The following INTS7 variants were observed in gnomAD, a reference collection of about 807,000 sequenced individuals.
The protein encoded by INTS7 is chromosome 1 open reading frame 73.
In INTS7, 46 loss-of-function variants were observed where a neutral mutation model predicts 109.2. That is an observed-to-expected ratio of 0.42 (90% CI 0.33 to 0.54). INTS7 has a LOEUF of 0.54. INTS7 is among the 20% of genes least tolerant of loss of function. The pLI is 0.07. For missense variants in INTS7, 929 were observed against 1,132.4 expected, an observed-to-expected ratio of 0.82 and a Z score of 2.58; for synonymous variants, 412 against 402.9, an observed-to-expected ratio of 1.02 and a Z score of -0.27.
chr1:211,953,136 T>C (rs531905557), intron 16 of INTS7, among the ~76,000 whole-genome samples: 20 of 152,252 alleles, frequency 1.3e-4, no homozygotes, highest in African/African-American at 4.1e-4. Flanking sequence ...GTCTTGAACA[T>C]ATCAGTAGGT....
Position 211,946,591 on chromosome 1 carries a change from AT to A in INTS7, c.2415+15del. On this transcript the variant is annotated intron_variant, in intron 18 of 19. Coordinates refer to ENST00000366994, the MANE Select transcript of INTS7 (RefSeq NM_015434.4). This position sits in a 1 kb window ranked among gnomAD's most constrained non-coding sequence, Gnocchi z 4.3. ...TTTTAAAACCTATATTAACCTTAGT[AT>A]TCTTCCTGTATTACCTTGATGCTGG... 6.9e-7 allele frequency: 1 copy of A among 1,459,432 alleles called. No individual in the cohort carries two copies. The highest frequency in any genetic ancestry group is 1.1e-5 in the South Asian group (1 of 87,494). The allele number at this position is 1,459,432 out of a possible 1,614,324, so 90.4% of individuals were successfully genotyped here.
At chr1:211,956,068 C>T (rs1431432250) in intron 16 of INTS7, among the ~76,000 whole-genome samples, 3 of 152,166 alleles carry the variant, frequency 2.0e-5, no homozygotes, top group Non-Finnish European at 4.4e-5. Flanking sequence ...TAGAGCCATA[C>T]AATACATACT....
In INTS7 at chr1:211,975,250, C is replaced by T; in HGVS notation, c.1731G>A (p.Gly577=). 6.2e-7 allele frequency: 1 copy of T among 1,613,674 alleles called. No individual in the cohort carries two copies. The highest frequency in any genetic ancestry group is 8.5e-7 in the Non-Finnish European group (1 of 1,179,588). Residue 577 remains glycine (G), a synonymous_variant, in exon 13 of 20, where the codon GGG becomes GGA. Transcript: ENST00000366994. Reference sequence around the variant, plus strand: ...CTGAACTATAATTTTCCTCTTGCAACCCAGTGAGACACTGTTCTGCATGTG... The same window carrying T: ...CTGAACTATAATTTTCCTCTTGCAATCCAGTGAGACACTGTTCTGCATGTG... ...EFSHAEQCLT[G]LQEENYSSAL...
At chr1:211,950,480 C>T (rs553024900) in intron 17 of INTS7, among the ~76,000 whole-genome samples, 201 of 152,050 alleles carry the variant, frequency 1.3e-3, no homozygotes, top group Middle Eastern at 3.4e-3. Flanking sequence ...CCATGTTGGG[C>T]ATGCTAGTCT....
intron 1 of INTS7, among the ~76,000 whole-genome samples, chr1:212,022,180 C>G (rs980914950): frequency 1.3e-5 from 2 of 152,266 alleles, no homozygotes; most frequent in South Asian, 2.1e-4. Context: ...GAACCACAGA[C>G]CTCAGTGTAA....
chr1:212,007,441 T>C lies in INTS7; in HGVS notation c.565A>G (p.Thr189Ala). ...KISEMIQGLA[T>A]PVDLKLKLIP... ...AATTTTAGCTTCAAGTCTACTGGTG[T>C]CGCTAAACCTAGACACAAAAATAAT... The change falls in exon 6 of 20, where the codon ACA becomes GCA. Residue 189 changes from threonine to alanine, a missense_variant. By Grantham distance (58) the Thr-to-Ala change is moderately conservative (BLOSUM62 0). Coordinates refer to ENST00000366994, the MANE Select transcript of INTS7 (RefSeq NM_015434.4). The C allele has an allele frequency of 6.2e-7, 1 of 1,610,458 alleles. No homozygotes were observed. Among genetic ancestry groups the C allele is most frequent in the Non-Finnish European group, 8.5e-7 (1 of 1,176,690 alleles).
At chr1:212,009,930 T>G (rs1200250532) in intron 5 of INTS7, among the ~76,000 whole-genome samples, 1 of 152,254 alleles carries the variant, frequency 6.6e-6, no homozygotes, top group Non-Finnish European at 1.5e-5. Flanking sequence ...ATTTTTATTA[T>G]TTATGCAAGT....
chr1:211,985,838 G>T (rs1664870449), intron 8 of INTS7, among the ~76,000 whole-genome samples: 1 of 152,186 alleles, frequency 6.6e-6, no homozygotes, highest in Admixed American at 6.6e-5. Context: ...TTAAGACTTT[G>T]TCTATCACAG....
intron 7 of INTS7, among the ~76,000 whole-genome samples, chr1:212,000,999 A>G (rs1411469800): frequency 6.6e-6 from 1 of 151,926 alleles, no homozygotes; most frequent in Non-Finnish European, 1.5e-5. Context: ...GAGGATAAAA[A>G]CAAACAAACA....
rs765401995 is a variant in INTS7 at position 211,941,802 on chromosome 1, C to G, written c.*22G>C. On this transcript the variant is annotated 3_prime_UTR_variant, in exon 20 of 20. Coordinates refer to ENST00000366994, the MANE Select transcript of INTS7 (RefSeq NM_015434.4). ...GCAATTTGATTGATCTCTTGAGAGT[C>G]TGCAGTGCATTCATTCCATGGTTAA... The G allele has an allele frequency of 3.4e-5, 55 of 1,608,948 alleles. No homozygotes were observed. Among genetic ancestry groups the G allele is most frequent in the Non-Finnish European group, 4.7e-5 (55 of 1,177,124 alleles).
chr1:211,986,846 C>T (rs191625270), intron 8 of INTS7, among the ~76,000 whole-genome samples: 2 of 152,204 alleles, frequency 1.3e-5, no homozygotes, highest in African/African-American at 2.4e-5. Flanking sequence ...TTTTAGCTTC[C>T]TATTAAGACT....
At chr1:211,982,084 T>C (rs1344604888) in intron 9 of INTS7, among the ~76,000 whole-genome samples, 1 of 152,130 alleles carries the variant, frequency 6.6e-6, no homozygotes, top group Non-Finnish European at 1.5e-5. Context: ...AAATCAGCAC[T>C]GAAACAGATG....
chr1:211,997,878 CAAA>C (rs112560573), intron 7 of INTS7, among the ~76,000 whole-genome samples: 1 of 82,272 alleles, frequency 1.2e-5, no homozygotes, highest in Non-Finnish European at 2.6e-5. Flanking sequence ...AACTCCAACT[CAAA>C]AAAAAAAAAA....
intron 13 of INTS7, among the ~76,000 whole-genome samples, chr1:211,972,465 A>C (rs1664223620): frequency 6.6e-6 from 1 of 152,234 alleles, no homozygotes; most frequent in Non-Finnish European, 1.5e-5. Context: ...CAAATTTTGA[A>C]TTAGGGAGGT....
intron 4 of INTS7, chr1:212,011,674 AT>A (rs1387219514): frequency 7.9e-6 from 3 of 379,330 alleles, no homozygotes; most frequent in Non-Finnish European, 1.4e-5. Flanking sequence ...ATACAGTGTT[AT>A]TTTTTCATAA....
Position 212,007,266 on chromosome 1 carries a change from A to G in INTS7, c.740T>C (p.Val247Ala), listed in dbSNP as rs141401429. 386 of 1,613,562 alleles carry G rather than the reference A, an allele frequency of 2.4e-4. No homozygotes were observed. Among genetic ancestry groups the G allele is most frequent in the Non-Finnish European group, 2.9e-4 (339 of 1,179,680 alleles). Residue 247 changes from valine (V) to alanine (A), a missense_variant, in exon 6 of 20, where the codon GTT becomes GCT. Physicochemically the swap from Val to Ala is moderately conservative, Grantham distance 64. This residue lies in a region of INTS7 where 787 missense variants were observed against 901.1 expected (regional missense o/e 0.87). Transcript: ENST00000366994. ...TGAAATTACCTGCTTAGGTGTATCA[A>G]CCAAAGATGACGCTGCAAGCAGAGT... Reference protein sequence around the residue: ...TFTLLAASSLVDTPKQIQLLL... With the variant: ...TFTLLAASSLADTPKQIQLLL...
rs1329292904 is a variant in INTS7 at position 211,975,292 on chromosome 1, A to G, written c.1689T>C (p.Asn563=). 4.3e-6 allele frequency: 7 copies of G among 1,614,062 alleles called. No homozygotes were observed. The highest frequency in any genetic ancestry group is 2.2e-5 in the East Asian group (1 of 44,870). The change falls in exon 13 of 20, where the codon AAT becomes AAC. Residue 563 remains asparagine, a synonymous_variant. Coordinates refer to ENST00000366994, the MANE Select transcript of INTS7 (RefSeq NM_015434.4). The stretch of plus-strand genomic sequence containing the variant: ...CTGCATGTGAAAACTCCTTCAAACT[A>G]TTTAGCCAGAAGTAGAAATGTTCTG... ...VASEHFYFWL[N]SLKEFSHAEQ...
chr1:211,966,379 A>ATC (rs1265805230), intron 16 of INTS7, 51 bp downstream of exon 16: 1 of 996,556 alleles, frequency 1.0e-6, no homozygotes, highest in Admixed American at 1.8e-5. Context: ...TAGGTAAGAC[A>ATC]ATGTATAGAA....
intron 5 of INTS7, among the ~76,000 whole-genome samples, chr1:212,008,964 C>T (rs1257404251): frequency 6.6e-6 from 1 of 152,096 alleles, no homozygotes; most frequent in Non-Finnish European, 1.5e-5. Context: ...TAGGCCTTTC[C>T]CCATGGCAGA....
Sources: gnomAD v4.1 joint callset for allele counts (sites outside exome capture counted in the v4.1 genomes callset) on GRCh38, gnomAD v4.1.1 for gene constraint, gnomAD v4.1.1 regional missense constraint, Gnocchi (gnomAD v3.1) non-coding constraint, MANE v1.5 for transcripts, NCBI Gene and HGNC (gene_info 2026-07-23, HGNC 2026-07-21) for gene names.